Variants in DOK6 observed in about 807,000 individuals in gnomAD.
DOK6 encodes docking protein 6, also known as downstream of tyrosine kinase 6.
Under a neutral mutation model 44.0 loss-of-function variants are expected in DOK6, and 22 were observed. The observed-to-expected ratio is 0.50, with a 90% confidence interval of 0.36 to 0.71. The LOEUF is 0.71. DOK6 is among the 30% of genes least tolerant of loss of function. DOK6 has a pLI of 0.00. For synonymous variants in DOK6, 166 were observed against 145.5 expected, an observed-to-expected ratio of 1.14 and a Z score of -1.01; for missense variants, 340 against 416.4, an observed-to-expected ratio of 0.82 and a Z score of 1.60.
At chr18:69,442,389 T>C (rs1979160412) in intron 1 of DOK6, among the ~76,000 whole-genome samples, 1 of 152,116 alleles carries the variant, frequency 6.6e-6, no homozygotes, top group South Asian at 2.1e-4. Context: ...CTTACAATCA[T>C]GGTGGAAGGG....
At chr18:69,778,177 T>C (rs1980139461) in intron 7 of DOK6, among the ~76,000 whole-genome samples, 2 of 151,982 alleles carry the variant, frequency 1.3e-5, no homozygotes, top group African/African-American at 4.8e-5. Flanking sequence ...TGCGCACAAG[T>C]CAAATAATGG....
intron 2 of DOK6, among the ~76,000 whole-genome samples, chr18:69,567,641 A>G (rs184694711): frequency 6.6e-6 from 1 of 152,318 alleles, no homozygotes; most frequent in African/African-American, 2.4e-5. Flanking sequence ...GTCTTAAAAT[A>G]CCACTTTGTA....
At chr18:69,472,667 C>T (rs996615927) in intron 1 of DOK6, among the ~76,000 whole-genome samples, 1 of 152,138 alleles carries the variant, frequency 6.6e-6, no homozygotes, top group Non-Finnish European at 1.5e-5. Context: ...AACACACTCA[C>T]ATACACACAA....
At chr18:69,769,583 A>ATT (rs1979827457) in intron 7 of DOK6, among the ~76,000 whole-genome samples, 1 of 152,176 alleles carries the variant, frequency 6.6e-6, no homozygotes, top group South Asian at 2.1e-4. Flanking sequence ...ATTTACCAAA[A>ATT]ACCCACATTT....
At chr18:69,542,858 A>G (rs529729484) in intron 1 of DOK6, among the ~76,000 whole-genome samples, 1 of 151,636 alleles carries the variant, frequency 6.6e-6, no homozygotes, top group African/African-American at 2.4e-5. Flanking sequence ...ATTAGTTCCT[A>G]AGGCTGCAAG....
Position 69,610,761 on chromosome 18 carries a change from G to A in DOK6, c.289+11263G>A, listed in dbSNP as rs1326170194. 2.0e-5 allele frequency among the ~76,000 whole-genome samples: 3 copies of A among 152,126 alleles called. No homozygotes were observed. The East Asian group carries it at 5.8e-4, about 29-fold the overall frequency. The stretch of plus-strand genomic sequence containing the variant: ...CAATGATTAACATAGCATTTAAATT[G>A]TATTACATATTATAAGTAATCAGGA... On this transcript the variant is annotated intron_variant, in intron 3 of 7. Coordinates refer to ENST00000382713, the MANE Select transcript of DOK6 (RefSeq NM_152721.6).
intron 1 of DOK6, among the ~76,000 whole-genome samples, chr18:69,490,894 T>A (rs899987703): frequency 5.9e-5 from 9 of 152,250 alleles, no homozygotes; most frequent in Non-Finnish European, 1.3e-4. Flanking sequence ...ATGGGTGATA[T>A]GTGTGTGCTT....
intron 1 of DOK6, among the ~76,000 whole-genome samples, chr18:69,554,758 G>T (rs1982646721): frequency 2.0e-5 from 3 of 152,178 alleles, no homozygotes; most frequent in Admixed American, 1.3e-4. Context: ...TAGAGTGTGA[G>T]ACTTCCATTG....
intron 1 of DOK6, among the ~76,000 whole-genome samples, chr18:69,560,149 A>G: frequency 6.6e-6 from 1 of 152,168 alleles, no homozygotes; most frequent in East Asian, 1.9e-4. Flanking sequence ...ATCCTCAAAG[A>G]GCATCTTCAT....
At chr18:69,787,956 C>T (rs1335881709) in intron 7 of DOK6, among the ~76,000 whole-genome samples, 1 of 152,122 alleles carries the variant, frequency 6.6e-6, no homozygotes, top group Non-Finnish European at 1.5e-5. Flanking sequence ...TGAGGGTGTC[C>T]ATACCCAACA....
Position 69,415,425 on chromosome 18 carries a change from C to T in DOK6, c.66+14115C>T, listed in dbSNP as rs753320071. ...TTGATTGATGGGCTGTCAATTTCTG[C>T]GTATCATCAAGAAAACAGATAAAGG... On this transcript the variant is annotated intron_variant, in intron 1 of 7. Coordinates refer to ENST00000382713, the MANE Select transcript of DOK6 (RefSeq NM_152721.6). Among the ~76,000 whole-genome samples, 4 of 151,972 alleles carry T rather than the reference C, an allele frequency of 2.6e-5. No individual in the cohort carries two copies. In the East Asian group the frequency reaches 7.7e-4, roughly 29 times the overall value.
chr18:69,603,487 A>G (rs1983919506), intron 3 of DOK6, among the ~76,000 whole-genome samples: 1 of 152,124 alleles, frequency 6.6e-6, no homozygotes, highest in Non-Finnish European at 1.5e-5. Flanking sequence ...AAATATGGAC[A>G]TCTGCCGGGC....
At chr18:69,663,340 G>C (rs945661101) in intron 3 of DOK6, 5 of 152,042 alleles carry the variant, frequency 3.3e-5, no homozygotes, top group African/African-American at 9.7e-5. Context: ...TTAATAGCTG[G>C]ATGGTGAAAT....
At chr18:69,659,922 C>A (rs375212548) in intron 3 of DOK6, 2 of 82,354 alleles carry the variant, frequency 2.4e-5, no homozygotes, top group African/African-American at 3.6e-5. Context: ...ATATATATAA[C>A]ATATATGTAT....
chr18:69,765,861 GATC>G (rs1292572065), intron 7 of DOK6, among the ~76,000 whole-genome samples: 1 of 152,038 alleles, frequency 6.6e-6, no homozygotes, highest in Non-Finnish European at 1.5e-5. Flanking sequence ...CATTAAAAGA[GATC>G]ATCAACATAA....
At chr18:69,450,615 C>T (rs2122457022) in intron 1 of DOK6, among the ~76,000 whole-genome samples, 1 of 151,584 alleles carries the variant, frequency 6.6e-6, no homozygotes, top group East Asian at 2.0e-4. Context: ...TTGTCAGATT[C>T]ACCAAAGTTG....
chr18:69,822,998 A>G (rs1317409153), intron 7 of DOK6, among the ~76,000 whole-genome samples: 2 of 152,226 alleles, frequency 1.3e-5, no homozygotes, highest in South Asian at 4.1e-4. Context: ...ACCAGGCTAA[A>G]TAATTAAAAT....
intron 1 of DOK6, among the ~76,000 whole-genome samples, chr18:69,553,365 T>C (rs970662939): frequency 6.6e-6 from 1 of 152,240 alleles, no homozygotes; most frequent in Non-Finnish European, 1.5e-5. Flanking sequence ...CTTCTGTCCA[T>C]GCATTCATTG....
intron 1 of DOK6, 60 bp downstream of exon 1, chr18:69,401,370 G>GC (rs1491258670): frequency 5.8e-5 from 23 of 399,848 alleles, no homozygotes; most frequent in Non-Finnish European, 7.4e-5. Context: ...CTGGCTGCCT[G>GC]GGGGGGGGGC....
Sources: allele counts gnomAD v4.1 joint callset (sites outside exome capture counted in the v4.1 genomes callset), GRCh38; gene constraint gnomAD v4.1.1; transcripts MANE v1.5; gene names NCBI Gene and HGNC (gene_info 2026-07-23, HGNC 2026-07-21).